Variants in DLGAP2 observed in about 807,000 individuals in gnomAD.
DLGAP2 encodes disks large-associated protein 2.
In DLGAP2, 26 loss-of-function variants were observed where a neutral mutation model predicts 100.3. The ratio of observed to expected loss-of-function variants is 0.26; its 90% CI spans 0.19 to 0.36. DLGAP2 has a LOEUF of 0.36. Ranked by LOEUF, DLGAP2 falls within the 10% of genes least tolerant of loss-of-function variation. The probability of loss-of-function intolerance (pLI) is 1.00; values close to 1 mark genes in which losing one functional copy is unlikely to be tolerated. For missense variants in DLGAP2, 1,858 were observed against 1,453.2 expected (o/e 1.28, Z -4.53); for synonymous variants, 886 against 630.1 (o/e 1.41, Z -6.08).
intron 4 of DLGAP2, among the ~76,000 whole-genome samples, chr8:1,524,668 T>C (rs1800728138): frequency 6.6e-6 from 1 of 152,136 alleles, no homozygotes; most frequent in Non-Finnish European, 1.5e-5. Context: ...GCTCTTTCCA[T>C]ATAATCACAT....
chr8:994,365 T>C (rs1584955466), intron 2 of DLGAP2, among the ~76,000 whole-genome samples: 1 of 152,046 alleles, frequency 6.6e-6, no homozygotes, highest in South Asian at 2.1e-4. Context: ...CATGCCTGGC[T>C]AATTTTGTAT....
At chr8:1,629,742 A>T (rs1249341300) in intron 7 of DLGAP2, among the ~76,000 whole-genome samples, 1 of 152,272 alleles carries the variant, frequency 6.6e-6, no homozygotes, top group Non-Finnish European at 1.5e-5. Context: ...GTGCAAAGTT[A>T]TCTCATCCGA....
intron 2 of DLGAP2, among the ~76,000 whole-genome samples, chr8:1,022,113 G>T (rs1270245074): frequency 6.6e-6 from 1 of 152,142 alleles, no homozygotes; most frequent in Non-Finnish European, 1.5e-5. Context: ...AGCACCCAAT[G>T]CCCGTCTGAG....
chr8:1,539,245 G>A (rs1008943650), intron 4 of DLGAP2, among the ~76,000 whole-genome samples: 1 of 152,200 alleles, frequency 6.6e-6, no homozygotes, highest in Non-Finnish European at 1.5e-5. Context: ...AACAGACTCT[G>A]AGAGAGCTCA....
chr8:1,245,965 G>A (rs1585186543), intron 2 of DLGAP2, among the ~76,000 whole-genome samples: 1 of 152,112 alleles, frequency 6.6e-6, no homozygotes, highest in African/African-American at 2.4e-5. Context: ...GAAGGCCTCA[G>A]CATTTAGGAA....
intron 3 of DLGAP2, among the ~76,000 whole-genome samples, chr8:1,458,178 T>G (rs572457755): frequency 6.6e-5 from 10 of 151,808 alleles, no homozygotes; most frequent in Admixed American, 2.0e-4. Context: ...AGTGCTGGGA[T>G]TACAGGCATG....
chr8:1,454,064 G>A (rs1016196201), intron 3 of DLGAP2, among the ~76,000 whole-genome samples: 4 of 152,230 alleles, frequency 2.6e-5, no homozygotes, highest in African/African-American at 7.2e-5. Context: ...ATGACAGATC[G>A]CAAAGTTGAA....
chr8:1,049,487 A>T (rs188252556), intron 2 of DLGAP2, among the ~76,000 whole-genome samples: 3 of 152,056 alleles, frequency 2.0e-5, no homozygotes, highest in Non-Finnish European at 4.4e-5. Context: ...TTACCCTTTT[A>T]TCCTTTATTT....
chr8:847,552 G>A (rs917698821), intron 1 of DLGAP2, among the ~76,000 whole-genome samples: 2 of 151,836 alleles, frequency 1.3e-5, no homozygotes, highest in African/African-American at 2.4e-5. Context: ...TGTCACCCAG[G>A]CTGGAGTGCA....
At chr8:1,074,425 C>G (rs1803538604) in intron 2 of DLGAP2, among the ~76,000 whole-genome samples, 1 of 152,236 alleles carries the variant, frequency 6.6e-6, no homozygotes, top group Non-Finnish European at 1.5e-5. Context: ...ACATCATGCT[C>G]AGTCTCTGCC....
At chr8:1,332,302 CAGTG>C (rs1339303698) in intron 3 of DLGAP2, among the ~76,000 whole-genome samples, 3 of 151,018 alleles carry the variant, frequency 2.0e-5, no homozygotes, top group Non-Finnish European at 3.0e-5. Context: ...GCACGTGTGT[CAGTG>C]TGTGTGTGTC....
At chr8:1,293,061 G>C (rs144282845) in intron 3 of DLGAP2, among the ~76,000 whole-genome samples, 1 of 152,304 alleles carries the variant, frequency 6.6e-6, no homozygotes, top group Non-Finnish European at 1.5e-5. Context: ...GCTGGAGTAA[G>C]TCAACCTGAC....
chr8:1,627,316 T>C (rs1008829293), intron 7 of DLGAP2, among the ~76,000 whole-genome samples: 13 of 151,896 alleles, frequency 8.6e-5, no homozygotes, highest in South Asian at 4.2e-4. Context: ...GCTCACAGAG[T>C]CCTGCCGGTC....
At chr8:1,357,266 G>A (rs991902187) in intron 3 of DLGAP2, among the ~76,000 whole-genome samples, 3 of 152,046 alleles carry the variant, frequency 2.0e-5, no homozygotes, top group Non-Finnish European at 4.4e-5. Flanking sequence ...CCTCGGAGAA[G>A]GGGTGTCCTT....
rs10583520 is a variant in DLGAP2, at chr8:1,683,856, ATGTGTGTGTG to A, written c.2704+5259_2704+5268del. ...CCACTATATATATATATATATATAT[ATGTGTGTGTG>A]TGTGTGTGTGTGTGTGTGTGTGTGT... is the stretch of plus-strand genomic sequence containing the variant. On this transcript the variant is annotated intron_variant, in intron 12 of 14. Transcript: ENST00000637795. 5.3e-3 allele frequency among the ~76,000 whole-genome samples: 332 copies of A among 62,200 alleles called. 15 individuals are homozygous for A. The highest frequency in any genetic ancestry group is 0.013 in the African/African-American group (151 of 11,884). 40.8% of individuals were successfully genotyped at this position (62,200 alleles called of 152,430 possible). A position where few individuals can be genotyped will look rare whatever the true frequency, so the allele number is the denominator to read the frequency against.
At chr8:1,637,993 G>A (rs879902523) in intron 8 of DLGAP2, among the ~76,000 whole-genome samples, 3 of 152,198 alleles carry the variant, frequency 2.0e-5, no homozygotes, top group East Asian at 1.9e-4. Flanking sequence ...CAAACGTCCC[G>A]AAAACCGCTG....
intron 3 of DLGAP2, among the ~76,000 whole-genome samples, chr8:1,285,333 A>G (rs1041569785): frequency 6.6e-6 from 1 of 152,236 alleles, no homozygotes; most frequent in African/African-American, 2.4e-5. Flanking sequence ...TTTTTTTAAT[A>G]ATGTCTTTTG....
intron 3 of DLGAP2, among the ~76,000 whole-genome samples, chr8:1,329,346 G>T (rs769560552): frequency 1.3e-5 from 2 of 152,086 alleles, no homozygotes; most frequent in African/African-American, 4.8e-5. Flanking sequence ...AGATTAAATG[G>T]CATTTCATTT....
At chr8:1,340,037 C>A (rs958091439) in intron 3 of DLGAP2, among the ~76,000 whole-genome samples, 1 of 152,128 alleles carries the variant, frequency 6.6e-6, no homozygotes, top group East Asian at 1.9e-4. Context: ...GGAGAACTGG[C>A]AGGACGTGTG....
Sources: gnomAD v4.1 joint callset for allele counts (sites outside exome capture counted in the v4.1 genomes callset) on GRCh38, gnomAD v4.1.1 for gene constraint, MANE v1.5 for transcripts, NCBI Gene and HGNC (gene_info 2026-07-23, HGNC 2026-07-21) for gene names.